Variants in PHF20 observed in about 807,000 individuals in gnomAD.
PHF20 encodes the protein glioma-expressed antigen 2.
PHF20 carries 23 observed loss-of-function variants against 113.5 expected under a neutral mutation model. The ratio of observed to expected loss-of-function variants is 0.20; its 90% CI spans 0.15 to 0.29. The LOEUF (loss-of-function observed/expected upper bound fraction) is 0.29, where lower values mean the gene tolerates loss of function less well. Among genes scored for constraint, PHF20 ranks in the 10% least tolerant of loss-of-function variants. The probability of loss-of-function intolerance (pLI) is 1.00; values close to 1 mark genes in which losing one functional copy is unlikely to be tolerated. For synonymous variants in PHF20, 434 were observed against 457.3 expected, an observed-to-expected ratio of 0.95 and a Z score of 0.65; for missense variants, 943 against 1,219.6, an observed-to-expected ratio of 0.77 and a Z score of 3.38.
chr20:35,783,607 A>C (rs993859558), intron 1 of PHF20, among the ~76,000 whole-genome samples: 4 of 146,922 alleles, frequency 2.7e-5, no homozygotes, highest in African/African-American at 1.0e-4. Flanking sequence ...TTTATTATTT[A>C]TAGAGACGAG....
At chr20:35,819,223 G>A (rs563169645) in intron 2 of PHF20, among the ~76,000 whole-genome samples, 1 of 152,264 alleles carries the variant, frequency 6.6e-6, no homozygotes, top group Non-Finnish European at 1.5e-5. Context: ...GAACCACTGT[G>A]CCCAGCCCTG....
intron 4 of PHF20, among the ~76,000 whole-genome samples, chr20:35,853,753 C>T (rs2042780637): frequency 6.7e-6 from 1 of 148,310 alleles, no homozygotes; most frequent in Admixed American, 6.7e-5. Context: ...GACCCTATTT[C>T]TTTCTTTTTT....
chr20:35,919,999 C>T (rs6060683), intron 13 of PHF20, among the ~76,000 whole-genome samples: 14,832 of 152,196 alleles, frequency 0.097, 779 homozygotes, highest in Middle Eastern at 0.15. Flanking sequence ...GTGATATACA[C>T]ATACTCATTT....
chr20:35,892,237 T>A (rs2054885687), intron 9 of PHF20, among the ~76,000 whole-genome samples: 1 of 148,488 alleles, frequency 6.7e-6, no homozygotes, highest in Admixed American at 6.7e-5. Flanking sequence ...TTTTTTTTTT[T>A]TTTTTTTTTG....
intron 15 of PHF20, among the ~76,000 whole-genome samples, chr20:35,933,318 C>T (rs2055799059): frequency 6.6e-6 from 1 of 151,110 alleles, no homozygotes; most frequent in African/African-American, 2.4e-5. Flanking sequence ...CTGCTACCTC[C>T]ACCTCCTGGG....
intron 2 of PHF20, among the ~76,000 whole-genome samples, chr20:35,817,011 C>G (rs949942220): frequency 3.4e-5 from 5 of 148,314 alleles, no homozygotes; most frequent in African/African-American, 1.0e-4. Context: ...AGGCTGGTCT[C>G]GAACTCCTGA....
intron 15 of PHF20, among the ~76,000 whole-genome samples, chr20:35,936,128 G>GT (rs1221770749): frequency 1.3e-5 from 2 of 152,092 alleles, no homozygotes; most frequent in African/African-American, 2.4e-5. Context: ...GACTTTAATG[G>GT]TTTTTTTAAT....
chr20:35,856,954 GT>G (rs1248605196), intron 4 of PHF20, among the ~76,000 whole-genome samples: 1 of 152,142 alleles, frequency 6.6e-6, no homozygotes, highest in Non-Finnish European at 1.5e-5. Context: ...TTTGGTACCC[GT>G]GATTAGCCAT....
At chr20:35,907,188 G>T (rs988174786) in intron 10 of PHF20, among the ~76,000 whole-genome samples, 1 of 152,168 alleles carries the variant, frequency 6.6e-6, no homozygotes, top group Non-Finnish European at 1.5e-5. Context: ...GGAAGCGGCG[G>T]TCTGATGACA....
In PHF20 at chr20:35,949,477, C is replaced by T. The variant is rs1036957317; in HGVS notation, c.*1850C>T. The T allele has an allele frequency of 4.6e-5, 7 of 152,660 alleles. No homozygotes were observed. The highest frequency in any genetic ancestry group is 4.6e-4 in the Admixed American group (7 of 15,288). The allele number at this position is 152,660 out of a possible 1,614,324, so 9.5% of individuals were successfully genotyped here. On this transcript the variant is annotated 3_prime_UTR_variant, in exon 18 of 18. Transcript: ENST00000374012. Reference sequence around the variant, plus strand: ...GTAGTCAATTTCATGTCTTGTTCAACGATGTAAGCAGAAACTGAATTGCCC... The same window carrying T: ...GTAGTCAATTTCATGTCTTGTTCAATGATGTAAGCAGAAACTGAATTGCCC...
At chr20:35,775,301 G>A (rs1569110834) in intron 1 of PHF20, among the ~76,000 whole-genome samples, 4 of 152,110 alleles carry the variant, frequency 2.6e-5, no homozygotes, top group Non-Finnish European at 2.9e-5. Context: ...TTTCATACAC[G>A]AAGACAAAGT....
chr20:35,869,237 T>C (rs1367714037), intron 6 of PHF20, among the ~76,000 whole-genome samples: 1 of 152,196 alleles, frequency 6.6e-6, no homozygotes, highest in South Asian at 2.1e-4. Flanking sequence ...TGGCAAGGTA[T>C]CACCATCTCC....
rs376247368 is a variant in PHF20, at chr20:35,944,380, A to G, written c.2897-3105A>G. On this transcript the variant is annotated intron_variant, in intron 17 of 17. Transcript: ENST00000374012. ...GCGTTGGTGCGCTTTCACACTGTGC[A>G]TGCCTCCTGGGCCACCGTAGTATCG... 2.0e-5 allele frequency among the ~76,000 whole-genome samples: 3 copies of G among 152,100 alleles called. No homozygotes were observed. The East Asian group carries it at 5.8e-4, about 29-fold the overall frequency.
Position 35,917,519 on chromosome 20 carries a change from T to C in PHF20, c.1861T>C (p.Phe621Leu). 6.2e-7 allele frequency: 1 copy of C among 1,614,108 alleles called. No individual in the cohort carries two copies. Among genetic ancestry groups the C allele is most frequent in the East Asian group, 2.2e-5 (1 of 44,894 alleles). The change falls in exon 13 of 18, where the codon TTT becomes CTT. Residue 621 changes from phenylalanine (F) to leucine (L), a missense_variant. By Grantham distance (22) the Phe-to-Leu change is conservative (BLOSUM62 0). This residue lies in a region of PHF20 where 592 missense variants were observed against 787.2 expected (regional missense o/e 0.75). Coordinates refer to ENST00000374012, the MANE Select transcript of PHF20 (RefSeq NM_016436.5). ...DNLSESSSESFLWSDDEYGQD... is the reference protein window; with the variant it reads ...DNLSESSSESLLWSDDEYGQD... The stretch of plus-strand genomic sequence containing the variant: ...TTTGAGTGAGTCCTCTTCTGAGAGC[T>C]TTCTCTGGAGTGATGATGAGTATGG...
chr20:35,924,165 G>A (rs190457415), intron 13 of PHF20, among the ~76,000 whole-genome samples: 6 of 148,334 alleles, frequency 4.0e-5, no homozygotes, highest in Admixed American at 1.3e-4. Flanking sequence ...TGCATTTTAT[G>A]TATAGTATTT....
intron 1 of PHF20, among the ~76,000 whole-genome samples, chr20:35,781,163 A>T (rs1395245780): frequency 1.4e-5 from 2 of 147,710 alleles, no homozygotes; most frequent in Non-Finnish European, 3.0e-5. Flanking sequence ...TTTTTTTCTG[A>T]GATGGATTCT....
Position 35,829,136 on chromosome 20 carries a change from C to T in PHF20, c.84-13437C>T, listed in dbSNP as rs942532990. Among the ~76,000 whole-genome samples, 8 of 152,190 alleles carry T rather than the reference C, an allele frequency of 5.3e-5. No individual in the cohort carries two copies. In the East Asian group the frequency reaches 5.8e-4, roughly 11 times the overall value. The stretch of plus-strand genomic sequence containing the variant: ...TCCATAGACATCTAGAATGTTCTCA[C>T]GATGTAGCACCTGACTTACCCTAGA... On this transcript the variant is annotated intron_variant, in intron 2 of 17. Coordinates refer to ENST00000374012, the MANE Select transcript of PHF20 (RefSeq NM_016436.5).
At chr20:35,888,934 C>G (rs1213129464) in intron 9 of PHF20, among the ~76,000 whole-genome samples, 9 of 151,766 alleles carry the variant, frequency 5.9e-5, no homozygotes, top group Admixed American at 5.9e-4. Context: ...GGAATACATA[C>G]CTGTGTGTGA....
chr20:35,906,200 C>T (rs531116554), intron 10 of PHF20, among the ~76,000 whole-genome samples: 20 of 152,252 alleles, frequency 1.3e-4, no homozygotes, highest in Non-Finnish European at 2.5e-4. Context: ...GGCACCTCTT[C>T]ATTGCCATCC....
Sources: allele counts gnomAD v4.1 joint callset (sites outside exome capture counted in the v4.1 genomes callset), GRCh38; gene constraint gnomAD v4.1.1; regional missense constraint gnomAD v4.1.1; transcripts MANE v1.5; gene names NCBI Gene and HGNC (gene_info 2026-07-23, HGNC 2026-07-21).